TTC28: variants seen among roughly 807,000 people sequenced by gnomAD.
TTC28 encodes the protein tetratricopeptide repeat domain 28.
TTC28 carries 61 observed loss-of-function variants against 198.0 expected under a neutral mutation model. That is an observed-to-expected ratio of 0.31 (90% CI 0.25 to 0.38). The LOEUF (loss-of-function observed/expected upper bound fraction) is 0.38. Among genes scored for constraint, TTC28 ranks in the 10% least tolerant of loss-of-function variants. The probability of loss-of-function intolerance (pLI) is 1.00; values close to 1 mark genes in which losing one functional copy is unlikely to be tolerated. For missense variants in TTC28, 2,678 were observed against 3,164.0 expected, an observed-to-expected ratio of 0.85 and a Z score of 3.69; for synonymous variants, 1,171 against 1,297.8, an observed-to-expected ratio of 0.90 and a Z score of 2.10.
intron 2 of TTC28, among the ~76,000 whole-genome samples, chr22:28,577,177 T>C (rs898147857): frequency 6.6e-6 from 1 of 152,182 alleles, no homozygotes; most frequent in African/African-American, 2.4e-5. Flanking sequence ...GTTTCCATTT[T>C]CACATTTGTT....
intron 5 of TTC28, among the ~76,000 whole-genome samples, chr22:28,255,065 C>T (rs1011070483): frequency 3.3e-5 from 5 of 152,064 alleles, no homozygotes; most frequent in Admixed American, 3.3e-4. Flanking sequence ...AGAACAAGTC[C>T]TCAACTGGTG....
chr22:28,004,307 C>T (rs1168568529), intron 14 of TTC28, among the ~76,000 whole-genome samples: 1 of 152,192 alleles, frequency 6.6e-6, no homozygotes, highest in Admixed American at 6.5e-5. Flanking sequence ...CTGAGCCCTG[C>T]AAAGCATTGA....
At chr22:28,651,246 A>C (rs1046562288) in intron 1 of TTC28, among the ~76,000 whole-genome samples, 4 of 151,798 alleles carry the variant, frequency 2.6e-5, no homozygotes, top group African/African-American at 9.7e-5. Flanking sequence ...TGAGTCTCCC[A>C]CCTTGGCCTC....
At chr22:28,101,412 C>T (rs1942148474) in intron 8 of TTC28, 132 bp from the exon 9 acceptor site, 2 of 753,554 alleles carry the variant, frequency 2.7e-6, no homozygotes, top group Non-Finnish European at 4.3e-6. Context: ...GTTCCCCAGA[C>T]TGGAGTGCAG....
intron 2 of TTC28, among the ~76,000 whole-genome samples, chr22:28,358,669 A>G (rs2046113830): frequency 6.6e-6 from 1 of 152,164 alleles, no homozygotes; most frequent in Non-Finnish European, 1.5e-5. Context: ...TATATCACAA[A>G]ATTCATTCTT....
At position 28,189,574 on chromosome 22, in the gene TTC28, C is replaced by A. The variant is rs532266338; in HGVS notation, c.934-25975G>T. ...GATTCTACGCAATGAAAAAAAAAAACCAAAAAGAAAAAAAAGACCTTCTGT... is the reference window on the plus strand; with the variant it reads ...GATTCTACGCAATGAAAAAAAAAAAACAAAAAGAAAAAAAAGACCTTCTGT... On this transcript the variant is annotated intron_variant, in intron 5 of 22. Transcript: ENST00000397906. Among the ~76,000 whole-genome samples the A allele has an allele frequency of 1.5e-4, 22 of 148,356 alleles. 2 individuals are homozygous for A. The highest frequency in any genetic ancestry group is 2.2e-4 in the African/African-American group (9 of 40,544).
At position 28,296,228 on chromosome 22, in the gene TTC28, C is replaced by T. The variant is rs1253645000; in HGVS notation, c.903G>A (p.Leu301=). The change falls in exon 5 of 23, where the codon TTG becomes TTA. Residue 301 remains leucine, a synonymous_variant. Coordinates refer to ENST00000397906, the MANE Select transcript of TTC28 (RefSeq NM_001145418.2). ...GATCTTTGAGTTTCATGGCGAGTAC[C>T]AACTGATGCCTGTGGTTAGTGAGAG... ...REALTNHRHQ[L]VLAMKLKDRE... The T allele has an allele frequency of 6.5e-7, 1 of 1,549,876 alleles. No individual in the cohort carries two copies. The highest frequency in any genetic ancestry group is 8.7e-7 in the Non-Finnish European group (1 of 1,146,034).
chr22:28,584,439 GTC>G (rs2050280398), intron 2 of TTC28, among the ~76,000 whole-genome samples: 1 of 152,020 alleles, frequency 6.6e-6, no homozygotes, highest in African/African-American at 2.4e-5. Context: ...ATTCTAGCCT[GTC>G]TCTCTCATTT....
At chr22:28,364,816 T>C (rs965100087) in intron 2 of TTC28, among the ~76,000 whole-genome samples, 1 of 152,190 alleles carries the variant, frequency 6.6e-6, no homozygotes, top group Non-Finnish European at 1.5e-5. Flanking sequence ...TTGCTTCTTA[T>C]AGATGAGAAA....
chr22:28,567,012 C>T (rs1012554354), intron 2 of TTC28, among the ~76,000 whole-genome samples: 7 of 152,044 alleles, frequency 4.6e-5, no homozygotes, highest in African/African-American at 1.4e-4. Context: ...GTCAGGAGTT[C>T]GAGACCAGCC....
chr22:28,392,583 C>T (rs564690337), intron 2 of TTC28, among the ~76,000 whole-genome samples: 4 of 152,176 alleles, frequency 2.6e-5, no homozygotes, highest in East Asian at 1.9e-4. Flanking sequence ...GCGCAGTATT[C>T]GGGTGGGAGT....
At chr22:28,644,873 C>T (rs573970247) in intron 1 of TTC28, among the ~76,000 whole-genome samples, 3 of 151,708 alleles carry the variant, frequency 2.0e-5, no homozygotes, top group Non-Finnish European at 4.4e-5. Context: ...CAGTGGGGCG[C>T]GGTGGCTCAC....
At chr22:28,430,193 C>T (rs113007807) in intron 2 of TTC28, among the ~76,000 whole-genome samples, 2,944 of 152,090 alleles carry the variant, frequency 0.019, 29 homozygotes, top group Non-Finnish European at 0.026. Context: ...AAGATTCACA[C>T]GCTATGAGTA....
At chr22:28,025,448 G>A (rs1264857485) in intron 13 of TTC28, among the ~76,000 whole-genome samples, 1 of 152,236 alleles carries the variant, frequency 6.6e-6, no homozygotes, top group Non-Finnish European at 1.5e-5. Context: ...TCTGCACTGT[G>A]TGCCTCACCA....
At chr22:28,039,388 G>T (rs1285960506) in intron 12 of TTC28, among the ~76,000 whole-genome samples, 1 of 152,076 alleles carries the variant, frequency 6.6e-6, no homozygotes, top group Non-Finnish European at 1.5e-5. Context: ...GATGAAGCTG[G>T]AAACCATCAT....
intron 1 of TTC28, among the ~76,000 whole-genome samples, chr22:28,645,532 CAGG>C (rs2051447629): frequency 6.6e-6 from 1 of 150,528 alleles, no homozygotes; most frequent in Non-Finnish European, 1.5e-5. Context: ...GAGGCTGAGG[CAGG>C]AGAATTGCTT....
chr22:28,115,868 A>G (rs529230243), intron 6 of TTC28, among the ~76,000 whole-genome samples: 3 of 151,954 alleles, frequency 2.0e-5, no homozygotes, highest in Non-Finnish European at 4.4e-5. Flanking sequence ...TTCTGTTTCA[A>G]CTCTGAGGAG....
intron 2 of TTC28, among the ~76,000 whole-genome samples, chr22:28,570,362 T>C (rs1431094330): frequency 1.3e-5 from 2 of 152,156 alleles, no homozygotes; most frequent in African/African-American, 4.8e-5. Context: ...TACACCATGG[T>C]ATACTATGCA....
At chr22:28,410,842 A>C (rs2047069622) in intron 2 of TTC28, among the ~76,000 whole-genome samples, 1 of 152,252 alleles carries the variant, frequency 6.6e-6, no homozygotes, top group Non-Finnish European at 1.5e-5. Context: ...ACATGAATTT[A>C]TAAGGCAGAA....
Sources: gnomAD v4.1 joint callset for allele counts (sites outside exome capture counted in the v4.1 genomes callset) on GRCh38, gnomAD v4.1.1 for gene constraint, MANE v1.5 for transcripts, NCBI Gene and HGNC (gene_info 2026-07-23, HGNC 2026-07-21) for gene names.